PADI2: variants seen among roughly 807,000 people sequenced by gnomAD.
The protein encoded by PADI2 is peptidyl arginine deiminase 2.
Under a neutral mutation model 81.1 loss-of-function variants are expected in PADI2, and 70 were observed. The observed-to-expected ratio is 0.86, with a 90% CI of 0.71 to 1.05. PADI2 has a LOEUF of 1.05. PADI2 is among the 50% of genes least tolerant of loss of function. The pLI, the probability that PADI2 is intolerant of heterozygous loss-of-function variation, is 0.00. For synonymous variants in PADI2, 338 were observed against 358.0 expected (o/e 0.94, Z 0.63); for missense variants, 853 against 889.9 (o/e 0.96, Z 0.53).
chr1:17,083,690 G>C (rs772160587), intron 9 of PADI2, 36 bp downstream of exon 9: 1 of 1,305,066 alleles, frequency 7.7e-7, no homozygotes, highest in South Asian at 1.2e-5. Flanking sequence ...TGACCCGGGG[G>C]CCATGTCCTT....
intron 8 of PADI2, 40 bp from the exon 9 acceptor site, chr1:17,083,877 G>T: frequency 1.7e-6 from 2 of 1,195,850 alleles, no homozygotes. Context: ...AGGAGAAAGG[G>T]TGAGGAGGGG....
At chr1:17,104,786 A>T in intron 2 of PADI2, 92 bp downstream of exon 2, 2 of 1,099,736 alleles carry the variant, frequency 1.8e-6, no homozygotes, top group Non-Finnish European at 2.5e-6. Context: ...CACATGGCCC[A>T]CGTGCAGTTT....
intron 3 of PADI2, among the ~76,000 whole-genome samples, chr1:17,096,691 G>A (rs549762503): frequency 6.6e-6 from 1 of 152,224 alleles, no homozygotes; most frequent in African/African-American, 2.4e-5. Context: ...TGTGGAGACT[G>A]TAGGGAAGTG....
rs569079147 is a variant in PADI2, at chr1:17,071,834, C to G, written c.1550-343G>C. On this transcript the variant is annotated intron_variant, in intron 13 of 15. Transcript: ENST00000375486. ...CCTACTCCTAAGGATGAGCAGCTGA[C>G]CAGCATGAATGTGGCAGAAGCAGCA... 8.5e-5 allele frequency among the ~76,000 whole-genome samples: 13 copies of G among 152,330 alleles called. No individual in the cohort carries two copies. The East Asian group carries it at 2.5e-3, about 29-fold the overall frequency.
intron 7 of PADI2, among the ~76,000 whole-genome samples, chr1:17,085,907 G>A (rs1160389037): frequency 2.0e-5 from 3 of 152,202 alleles, no homozygotes; most frequent in Non-Finnish European, 2.9e-5. Context: ...GGGGATGAAA[G>A]GTCTTTGTGA....
In PADI2 at chr1:17,086,548, A is replaced by G. The variant is rs747634519; in HGVS notation, c.807T>C (p.His269=). Residue 269 remains histidine (H), a synonymous_variant, in exon 7 of 16, where the codon CAT becomes CAC. Transcript: ENST00000375486. The stretch of plus-strand genomic sequence containing the variant: ...GGGCCATGTACTCCAGCAGGCTGAC[A>G]TGGATGGAGACCAGGCCTGAGAAGC... The part of the protein sequence containing the change: ...DEGFSGLVSI[H]VSLLEYMAQD... The G allele has an allele frequency of 6.2e-7, 1 of 1,613,804 alleles. No homozygotes were observed.
At chr1:17,089,012 A>G (rs1570989283) in intron 6 of PADI2, among the ~76,000 whole-genome samples, 1 of 151,562 alleles carries the variant, frequency 6.6e-6, no homozygotes, top group East Asian at 1.9e-4. Context: ...TACCCACGCC[A>G]CAGGTTCAAT....
chr1:17,091,467 ACCCAGTCTGCATGCTCTGG>A (rs1930691997), intron 6 of PADI2, among the ~76,000 whole-genome samples: 1 of 151,772 alleles, frequency 6.6e-6, no homozygotes, highest in South Asian at 2.1e-4. Flanking sequence ...GAAAATCCAA[ACCCAGTCTGCATGCTCTGG>A]CCCCTGGCCG....
intron 5 of PADI2, among the ~76,000 whole-genome samples, chr1:17,093,131 T>G (rs1435466472): frequency 6.6e-6 from 1 of 151,726 alleles, no homozygotes; most frequent in Admixed American, 6.6e-5. Context: ...AGTCTTGCTC[T>G]GTTGCCCAGG....
intron 13 of PADI2, among the ~76,000 whole-genome samples, chr1:17,071,723 G>A (rs1467961931): frequency 6.6e-6 from 1 of 152,230 alleles, no homozygotes; most frequent in East Asian, 1.9e-4. Context: ...ATCTGAGCCA[G>A]GACAGTGGTG....
At chr1:17,093,740 A>C in intron 4 of PADI2, 56 bp from the exon 5 acceptor site, 14 of 1,038,264 alleles carry the variant, frequency 1.3e-5, no homozygotes, top group Non-Finnish European at 2.0e-5. Flanking sequence ...TATAGACCCC[A>C]TGGGACACTG....
chr1:17,098,929 G>C (rs1034070575), intron 3 of PADI2, among the ~76,000 whole-genome samples: 1 of 152,254 alleles, frequency 6.6e-6, no homozygotes, highest in African/African-American at 2.4e-5. Context: ...CTGCCTTCCC[G>C]AGGGGGAGGA....
rs529476511 is a variant in PADI2 at position 17,084,483 on chromosome 1, G to A, written c.938+116C>T. On this transcript the variant is annotated intron_variant, in intron 8 of 15. Transcript: ENST00000375486. The stretch of plus-strand genomic sequence containing the variant: ...TGGGCATTTCAGAGAGGCCAAGAGA[G>A]TTGCTCAAGGTAACACAGTGGTAAG... 14 of 617,672 alleles carry A rather than the reference G, an allele frequency of 2.3e-5. No individual in the cohort carries two copies. In the African/African-American group the frequency reaches 2.4e-4, roughly 11 times the overall value. 38.3% of individuals were successfully genotyped at this position (617,672 alleles called of 1,614,324 possible). A position where few individuals can be genotyped will look rare whatever the true frequency, so the allele number is the denominator to read the frequency against.
intron 1 of PADI2, among the ~76,000 whole-genome samples, chr1:17,117,816 G>A (rs1271607062): frequency 7.2e-5 from 11 of 152,196 alleles, no homozygotes; most frequent in African/African-American, 1.4e-4. Flanking sequence ...CTGGCTCCGC[G>A]CCCACTCCCT....
intron 1 of PADI2, among the ~76,000 whole-genome samples, chr1:17,109,577 G>T (rs1024580544): frequency 6.6e-6 from 1 of 150,800 alleles, no homozygotes; most frequent in Non-Finnish European, 1.5e-5. Flanking sequence ...TGCAACCTCC[G>T]CATCCTAGGT....
At chr1:17,099,264 G>GTAT (rs1440336034) in intron 3 of PADI2, among the ~76,000 whole-genome samples, 1 of 152,170 alleles carries the variant, frequency 6.6e-6, no homozygotes, top group Non-Finnish European at 1.5e-5. Context: ...ATCAGGGCAA[G>GTAT]TATCCCAGCC....
At chr1:17,082,908 T>G (rs2078355842) in intron 9 of PADI2, 2 of 366,664 alleles carry the variant, frequency 5.5e-6, no homozygotes, top group East Asian at 6.1e-5. Flanking sequence ...TCTCACTCTG[T>G]TGCCCAGGCT....
intron 14 of PADI2, among the ~76,000 whole-genome samples, chr1:17,071,199 G>A (rs548132531): frequency 1.2e-4 from 18 of 152,284 alleles, no homozygotes; most frequent in Admixed American, 1.2e-3. Flanking sequence ...GCACAATTTG[G>A]CACTTCTTTA....
Position 17,095,906 on chromosome 1 carries a change from T to C in PADI2, c.411+3A>G. The C allele has an allele frequency of 6.2e-7, 1 of 1,606,874 alleles. No individual in the cohort carries two copies. The highest frequency in any genetic ancestry group is 8.5e-7 in the Non-Finnish European group (1 of 1,176,400). On this transcript the variant is annotated splice_donor_region_variant and intron_variant, in intron 4 of 15. Coordinates refer to ENST00000375486, the MANE Select transcript of PADI2 (RefSeq NM_007365.3). Reference sequence around the variant, plus strand: ...GGTGGTGCCTGCCCTGAAAGCTAGGTACCTTCTTTGGGTTGTTCTTCTCCA... The same window carrying C: ...GGTGGTGCCTGCCCTGAAAGCTAGGCACCTTCTTTGGGTTGTTCTTCTCCA...
Sources: gnomAD v4.1 joint callset for allele counts (sites outside exome capture counted in the v4.1 genomes callset) on GRCh38, gnomAD v4.1.1 for gene constraint, MANE v1.5 for transcripts, NCBI Gene and HGNC (gene_info 2026-07-23, HGNC 2026-07-21) for gene names.